TAFA5: variants seen among roughly 807,000 people sequenced by gnomAD.
The protein encoded by TAFA5 is chemokine-like protein TAFA-5.
Under a neutral mutation model 15.3 loss-of-function variants are expected in TAFA5, and 6 were observed. That is an observed-to-expected ratio of 0.39 (90% confidence interval 0.21 to 0.77). The LOEUF (loss-of-function observed/expected upper bound fraction) is 0.77, where lower values mean the gene tolerates loss of function less well. TAFA5 is among the 30% of genes least tolerant of loss of function. The pLI is 0.41. For synonymous variants in TAFA5, 103 were observed against 80.7 expected (o/e 1.28, Z -1.48); for missense variants, 161 against 193.1 (o/e 0.83, Z 0.98).
chr22:48,742,283 G>A lies in TAFA5; in HGVS notation c.391-7556G>A, dbSNP rs1274310275. On this transcript the variant is annotated intron_variant, in intron 3 of 3. Coordinates refer to ENST00000402357, the MANE Select transcript of TAFA5 (RefSeq NM_001082967.3). The surrounding 1 kb of genome is among the most constrained non-coding windows in gnomAD (Gnocchi z 6.2). ...CCAGGCACAGGTGCACGGGGCCCCT[G>A]CCAGGTTCGGGAAAAGAACTGACCC... Among the ~76,000 whole-genome samples the A allele has an allele frequency of 2.6e-5, 4 of 152,150 alleles. No individual in the cohort carries two copies. The highest frequency in any genetic ancestry group is 5.9e-5 in the Non-Finnish European group (4 of 68,032).
At chr22:48,515,389 G>A (rs756879998) in intron 1 of TAFA5, among the ~76,000 whole-genome samples, 12 of 152,160 alleles carry the variant, frequency 7.9e-5, no homozygotes, top group Admixed American at 3.9e-4. Context: ...CTGTCTGTCC[G>A]CTGTCCTGCC....
At chr22:48,703,766 G>GCCTGCCCTGCAGGCAGGTCAGGA (rs1310630777) in intron 2 of TAFA5, among the ~76,000 whole-genome samples, 1 of 152,240 alleles carries the variant, frequency 6.6e-6, no homozygotes, top group Non-Finnish European at 1.5e-5. Flanking sequence ...CCCTCTCACA[G>GCCTGCCCTGCAGGCAGGTCAGGA]CCTGCCCTGC....
At chr22:48,710,441 C>T (rs1929216272) in intron 3 of TAFA5, among the ~76,000 whole-genome samples, 2 of 152,180 alleles carry the variant, frequency 1.3e-5, no homozygotes, top group South Asian at 4.1e-4. Context: ...TTCTTCAGCA[C>T]CTGAGTCATT....
At chr22:48,719,257 AAG>A (rs1046702986) in intron 3 of TAFA5, among the ~76,000 whole-genome samples, 1 of 152,144 alleles carries the variant, frequency 6.6e-6, no homozygotes. Context: ...GGCAGGACTG[AAG>A]AGAACCGCCC....
rs1345840979 is a variant in TAFA5, at chr22:48,552,493, C to G, written c.112+62789C>G. Among the ~76,000 whole-genome samples the G allele has an allele frequency of 6.6e-6, 1 of 152,258 alleles. No homozygotes were observed. The highest frequency in any genetic ancestry group is 1.9e-4 in the East Asian group (1 of 5,148). Reference sequence around the variant, plus strand: ...ACATCCTCTCTCGGGGTCCTGCAGGCCACGAGGTGGGCAGCCTGCTCTCCT... The same window carrying G: ...ACATCCTCTCTCGGGGTCCTGCAGGGCACGAGGTGGGCAGCCTGCTCTCCT... On this transcript the variant is annotated intron_variant, in intron 1 of 3. Transcript: ENST00000402357. This position sits in a 1 kb window ranked among gnomAD's most constrained non-coding sequence, Gnocchi z 4.1.
At chr22:48,691,380 C>G (rs561411477) in intron 2 of TAFA5, among the ~76,000 whole-genome samples, 1 of 152,338 alleles carries the variant, frequency 6.6e-6, no homozygotes, top group South Asian at 2.1e-4. Context: ...TATCGTCATC[C>G]TCCCGGTCTT....
At chr22:48,633,360 G>A (rs953885309) in intron 1 of TAFA5, among the ~76,000 whole-genome samples, 3 of 152,176 alleles carry the variant, frequency 2.0e-5, no homozygotes, top group African/African-American at 4.8e-5. Flanking sequence ...GGGGGCCAGC[G>A]GGCAGGAGCA....
intron 1 of TAFA5, among the ~76,000 whole-genome samples, chr22:48,638,073 A>C (rs1397011899): frequency 6.6e-6 from 1 of 152,066 alleles, no homozygotes; most frequent in East Asian, 1.9e-4. Context: ...TCAGTGGCGA[A>C]GAGCACTCAC....
intron 1 of TAFA5, among the ~76,000 whole-genome samples, chr22:48,564,090 C>T (rs946415192): frequency 1.3e-5 from 2 of 152,348 alleles, no homozygotes; most frequent in African/African-American, 2.4e-5. Flanking sequence ...GGACGTGGAG[C>T]GGGCGGGGAG....
intron 1 of TAFA5, among the ~76,000 whole-genome samples, chr22:48,619,056 G>A (rs1219929470): frequency 1.3e-5 from 2 of 152,234 alleles, no homozygotes; most frequent in South Asian, 4.1e-4. Flanking sequence ...AAACACGTCA[G>A]CTGTTCGGCT....
intron 3 of TAFA5, among the ~76,000 whole-genome samples, chr22:48,735,319 A>AGC (rs1929978542): frequency 6.6e-6 from 1 of 152,208 alleles, no homozygotes; most frequent in South Asian, 2.1e-4. Context: ...GACAGATCAC[A>AGC]GCGTGGGGAG....
intron 1 of TAFA5, among the ~76,000 whole-genome samples, chr22:48,595,055 G>T (rs982441627): frequency 2.0e-5 from 3 of 152,194 alleles, no homozygotes; most frequent in African/African-American, 7.2e-5. Context: ...AAGGAGTGCT[G>T]CCTTGAGCCT....
At chr22:48,640,915 G>A (rs1167023326) in intron 1 of TAFA5, among the ~76,000 whole-genome samples, 1 of 139,592 alleles carries the variant, frequency 7.2e-6, no homozygotes, top group Non-Finnish European at 1.5e-5. Flanking sequence ...TGTTGGTGGG[G>A]GTCTGCCCTA....
At chr22:48,620,896 A>T (rs1421035765) in intron 1 of TAFA5, among the ~76,000 whole-genome samples, 21 of 9,040 alleles carry the variant, frequency 2.3e-3, no homozygotes, top group East Asian at 0.011. Context: ...CCACCCACCC[A>T]GTCTATCCAC....
At chr22:48,641,314 T>C (rs1458294573) in intron 1 of TAFA5, among the ~76,000 whole-genome samples, 1 of 152,120 alleles carries the variant, frequency 6.6e-6, no homozygotes, top group Non-Finnish European at 1.5e-5. Context: ...GGAGGTTTCA[T>C]ATGATCAACC....
Position 48,526,648 on chromosome 22 carries a change from C to T in TAFA5, c.112+36944C>T, listed in dbSNP as rs568289821. ...TGGTCCTTACAAGAAGAGACAATGT[C>T]CCTGAGTGCATTTGCATGTCGATCA... On this transcript the variant is annotated intron_variant, in intron 1 of 3. Transcript: ENST00000402357. Among the ~76,000 whole-genome samples, 4 of 152,330 alleles carry T rather than the reference C, an allele frequency of 2.6e-5. No individual in the cohort carries two copies. The South Asian group carries it at 8.3e-4, about 32-fold the overall frequency.
At position 48,640,484 on chromosome 22, in the gene TAFA5, G is replaced by C. The variant is rs538768622; in HGVS notation, c.113-6113G>C. ...CTGTCACGGGGAGTGTGCTTCTAAG[G>C]GGGGGCTTCCCCTGGGACGTGGTCT... On this transcript the variant is annotated intron_variant, in intron 1 of 3. Coordinates refer to ENST00000402357, the MANE Select transcript of TAFA5 (RefSeq NM_001082967.3). Among the ~76,000 whole-genome samples, 107 of 152,318 alleles carry C rather than the reference G, an allele frequency of 7.0e-4. 2 individuals carry two copies. Among genetic ancestry groups the C allele is most frequent in the Non-Finnish European group, 2.9e-4 (20 of 68,018 alleles).
intron 2 of TAFA5, among the ~76,000 whole-genome samples, chr22:48,652,924 C>T (rs762653483): frequency 6.0e-4 from 92 of 152,314 alleles, no homozygotes; most frequent in African/African-American, 1.1e-3. Flanking sequence ...GCCACATCCT[C>T]AGCCAGGTTG....
intron 3 of TAFA5, among the ~76,000 whole-genome samples, chr22:48,710,086 C>T (rs138667150): frequency 1.8e-4 from 28 of 152,200 alleles, no homozygotes; most frequent in African/African-American, 5.8e-4. Flanking sequence ...TGGAGGGATG[C>T]CCTTCACCCA....
Sources: allele counts gnomAD v4.1 joint callset (sites outside exome capture counted in the v4.1 genomes callset), GRCh38; gene constraint gnomAD v4.1.1; non-coding constraint Gnocchi (gnomAD v3.1); transcripts MANE v1.5; gene names NCBI Gene and HGNC (gene_info 2026-07-23, HGNC 2026-07-21).